DNMT3L: variants seen among roughly 807,000 people sequenced by gnomAD.
The protein encoded by DNMT3L is DNA (cytosine-5)-methyltransferase 3-like.
DNMT3L carries 33 observed loss-of-function variants against 36.2 expected under a neutral mutation model. The observed-to-expected ratio is 0.91, with a 90% CI of 0.69 to 1.22. DNMT3L has a LOEUF of 1.22. Among genes scored for constraint, DNMT3L ranks in the 50% most tolerant of loss-of-function variants. The pLI, the probability that DNMT3L is intolerant of heterozygous loss-of-function variation, is 0.00. For synonymous variants in DNMT3L, 117 were observed against 121.7 expected, an observed-to-expected ratio of 0.96 and a Z score of 0.26; for missense variants, 310 against 303.1, an observed-to-expected ratio of 1.02 and a Z score of -0.17.
chr21:44,256,082 C>A lies in DNMT3L; in HGVS notation c.589G>T (p.Glu197Ter). The change falls in exon 7 of 12, where the codon GAA becomes TAA. Residue 197 changes from glutamate (E) to a stop codon, truncating the protein, a stop_gained. Transcript: ENST00000628202. LOFTEE classifies it high-confidence loss of function. ...RQPVRVLSLF[E>*]DIKKELTSLG... ...ACTGACTCACCTTTCTTGATGTCTT[C>A]AAAAAGGGACAGCACCCGGACTGGC... 6.2e-7 allele frequency: 1 copy of A among 1,613,882 alleles called. No homozygotes were observed. The highest frequency in any genetic ancestry group is 8.5e-7 in the Non-Finnish European group (1 of 1,179,976).
At chr21:44,259,805 T>C in intron 3 of DNMT3L, 94 bp from the exon 4 acceptor site, 2 of 1,319,304 alleles carry the variant, frequency 1.5e-6, no homozygotes, top group Non-Finnish European at 2.1e-6. Flanking sequence ...ATATGAGACT[T>C]ATACACTGAA....
At chr21:44,261,492 C>A (rs2040318998) in intron 1 of DNMT3L, among the ~76,000 whole-genome samples, 1 of 152,226 alleles carries the variant, frequency 6.6e-6, no homozygotes, top group African/African-American at 2.4e-5. Context: ...GGCGTGCCCC[C>A]CACCTGCCTG....
rs1030961056 is a variant in DNMT3L at position 44,256,153 on chromosome 21, T to C, written c.518A>G (p.Glu173Gly). The C allele has an allele frequency of 1.2e-6, 2 of 1,613,830 alleles. No homozygotes were observed. The highest frequency in any genetic ancestry group is 1.7e-6 in the Non-Finnish European group (2 of 1,179,968). Residue 173 changes from glutamate (E) to glycine (G), a missense_variant and splice_region_variant, in exon 7 of 12, where the codon GAG becomes GGG. Glu to Gly is a moderately conservative substitution (Grantham distance 98, BLOSUM62 -2). Transcript: ENST00000628202. ...GGTTTCGAACATCTCAAGGGGATTC[T>C]CCTATTTATTAAAAAACCAAAACAG... ...QLKAFYDRES[E>G]NPLEMFETVP...
chr21:44,254,982 C>T (rs573940602), intron 7 of DNMT3L, among the ~76,000 whole-genome samples: 2 of 152,228 alleles, frequency 1.3e-5, no homozygotes, highest in East Asian at 1.9e-4. Flanking sequence ...TGTGCCACCA[C>T]GCCCGGCTAA....
intron 3 of DNMT3L, among the ~76,000 whole-genome samples, chr21:44,260,055 A>AG (rs1403241436): frequency 6.6e-6 from 1 of 151,184 alleles, no homozygotes; most frequent in Non-Finnish European, 1.5e-5. Context: ...TCTCAAAAAA[A>AG]AAAAAAAAAA....
At chr21:44,253,930 T>C (rs910270737) in intron 8 of DNMT3L, among the ~76,000 whole-genome samples, 2 of 152,088 alleles carry the variant, frequency 1.3e-5, no homozygotes, top group South Asian at 2.1e-4. Flanking sequence ...ACCTAACTGT[T>C]GATGGCAGGT....
intron 7 of DNMT3L, among the ~76,000 whole-genome samples, 169 bp from the exon 8 acceptor site, chr21:44,254,874 G>A (rs1601950011): frequency 6.6e-6 from 1 of 152,302 alleles, no homozygotes; most frequent in Middle Eastern, 3.4e-3. Flanking sequence ...CGCCCAGGCT[G>A]GAGCGCAGTG....
In DNMT3L at chr21:44,260,833, A is replaced by G. The variant is rs776822712; in HGVS notation, c.113T>C (p.Ile38Thr). ...CTGGTTAGCCTTGACTTCATATGCA[A>G]TAAGATCTGGAAAGGAAGATAAGAA... The part of the protein sequence containing the change: ...SVSPGTGRDL[I>T]AYEVKANQRN... Residue 38 changes from isoleucine to threonine, a missense_variant, in exon 3 of 12, where the codon ATT becomes ACT. Ile to Thr is a moderately conservative substitution (Grantham distance 89). Coordinates refer to ENST00000628202, the MANE Select transcript of DNMT3L (RefSeq NM_175867.3). 1.9e-6 allele frequency: 3 copies of G among 1,613,186 alleles called. No homozygotes were observed. The highest frequency in any genetic ancestry group is 1.1e-5 in the South Asian group (1 of 91,086).
intron 5 of DNMT3L, among the ~76,000 whole-genome samples, chr21:44,259,207 C>T (rs2276247): frequency 0.041 from 6,208 of 152,172 alleles, 311 homozygotes; most frequent in East Asian, 0.27. Flanking sequence ...CCCTGCACAG[C>T]GATGTGGCAA....
At position 44,254,665 on chromosome 21, in the gene DNMT3L, C is replaced by T. The variant is rs140994399; in HGVS notation, c.645G>A (p.Pro215=). ...CATCAACCACATGCTTCAGTTGTCC[C>T]GGGTCAGAACCACTTTCCAAAAAGC... ...SLGFLESGSD[P]GQLKHVVDVT... Residue 215 remains proline (P), a synonymous_variant, in exon 8 of 12, where the codon CCG becomes CCA. Coordinates refer to ENST00000628202, the MANE Select transcript of DNMT3L (RefSeq NM_175867.3). 2,508 of 1,613,962 alleles carry T rather than the reference C, an allele frequency of 1.6e-3. 24 individuals carry two copies. The African/African-American group carries it at 0.028, about 18-fold the overall frequency.
At chr21:44,257,285 G>A (rs1318163217) in intron 6 of DNMT3L, among the ~76,000 whole-genome samples, 1 of 152,220 alleles carries the variant, frequency 6.6e-6, no homozygotes, top group Non-Finnish European at 1.5e-5. Flanking sequence ...AGGCAGGAAG[G>A]AGAATCGCTT....
At chr21:44,259,287 T>A in intron 5 of DNMT3L, 150 bp downstream of exon 5, 1 of 808,058 alleles carries the variant, frequency 1.2e-6, no homozygotes, top group Non-Finnish European at 2.0e-6. Flanking sequence ...CAGGGCTCTA[T>A]GCCAAATGAC....
chr21:44,258,409 G>A lies in DNMT3L; in HGVS notation c.516+114C>T, dbSNP rs1029651866. 1.1e-5 allele frequency: 15 copies of A among 1,387,638 alleles called. 1 individual carries two copies. In the Admixed American group the frequency reaches 2.0e-4, roughly 18 times the overall value. 86.0% of individuals were successfully genotyped at this position (1,387,638 alleles called of 1,614,324 possible). Reference sequence around the variant, plus strand: ...AACCCAGGAAAGAGTGTTTGCTCCCGAGGCTGCAGCCGTGGTGCCCGTCGG... The same window carrying A: ...AACCCAGGAAAGAGTGTTTGCTCCCAAGGCTGCAGCCGTGGTGCCCGTCGG... On this transcript the variant is annotated intron_variant, in intron 6 of 11. Transcript: ENST00000628202. The surrounding 1 kb of genome is among the most constrained non-coding windows in gnomAD (Gnocchi z 6.2).
intron 1 of DNMT3L, 97 bp from the exon 2 acceptor site, chr21:44,261,363 C>T: frequency 8.3e-7 from 1 of 1,200,422 alleles, no homozygotes; most frequent in Non-Finnish European, 1.2e-6. Context: ...GCTGAGCAGA[C>T]CTTGACTAGT....
At chr21:44,260,967 C>T in intron 2 of DNMT3L, 128 bp from the exon 3 acceptor site, 1 of 1,452,000 alleles carries the variant, frequency 6.9e-7, no homozygotes, top group African/African-American at 1.4e-5. Context: ...TGCCATCCCG[C>T]CCTCACACCT....
intron 7 of DNMT3L, among the ~76,000 whole-genome samples, chr21:44,254,909 T>C (rs2040245574): frequency 6.6e-6 from 1 of 152,206 alleles, no homozygotes; most frequent in Non-Finnish European, 1.5e-5. Flanking sequence ...CACTGCAACC[T>C]CCGCCTCCCA....
At chr21:44,259,228 G>A (rs989251926) in intron 5 of DNMT3L, among the ~76,000 whole-genome samples, 14 of 152,120 alleles carry the variant, frequency 9.2e-5, no homozygotes, top group African/African-American at 2.9e-4. Context: ...TATCAACACC[G>A]AAAAGAAAAA....
In DNMT3L at chr21:44,258,454, G is replaced by A. The variant is rs908923762; in HGVS notation, c.516+69C>T. The A allele has an allele frequency of 1.4e-5, 21 of 1,472,650 alleles. No homozygotes were observed. The highest frequency in any genetic ancestry group is 8.5e-5 in the African/African-American group (6 of 70,940). 91.2% of individuals were successfully genotyped at this position (1,472,650 alleles called of 1,614,324 possible). On this transcript the variant is annotated intron_variant, in intron 6 of 11. Transcript: ENST00000628202. This position sits in a 1 kb window ranked among gnomAD's most constrained non-coding sequence, Gnocchi z 6.2. ...CGTCGGCGCGCCTGCATTCTGCAGCGGGAACCGAGGGAAGGCCGTAAGTCA... is the reference window on the plus strand; with the variant it reads ...CGTCGGCGCGCCTGCATTCTGCAGCAGGAACCGAGGGAAGGCCGTAAGTCA...
At chr21:44,260,677 C>T in intron 3 of DNMT3L, 118 bp downstream of exon 3, 1 of 1,386,732 alleles carries the variant, frequency 7.2e-7, no homozygotes, top group Non-Finnish European at 1.0e-6. Flanking sequence ...AGGCTGGTCT[C>T]AAACTCCTGG....
Sources: gnomAD v4.1 joint callset for allele counts (sites outside exome capture counted in the v4.1 genomes callset) on GRCh38, gnomAD v4.1.1 for gene constraint, Gnocchi (gnomAD v3.1) non-coding constraint, MANE v1.5 for transcripts, NCBI Gene and HGNC (gene_info 2026-07-23, HGNC 2026-07-21) for gene names.